The following AGBL1 variants were observed in gnomAD, a reference collection of about 807,000 sequenced individuals.
AGBL1 encodes cytosolic carboxypeptidase 4.
A neutral mutation model predicts 118.9 loss-of-function variants in AGBL1; 130 were observed. That is an observed-to-expected ratio of 1.09 (90% CI 0.95 to 1.26). The LOEUF (loss-of-function observed/expected upper bound fraction) is 1.26. Among genes scored for constraint, AGBL1 ranks in the 50% most tolerant of loss-of-function variants. The pLI is 0.00. For missense variants in AGBL1, 1,584 were observed against 1,298.1 expected (o/e 1.22, Z -3.38); for synonymous variants, 555 against 478.9 (o/e 1.16, Z -2.08).
At chr15:86,223,311 T>A (rs1476696622) in intron 5 of AGBL1, among the ~76,000 whole-genome samples, 1 of 152,192 alleles carries the variant, frequency 6.6e-6, no homozygotes, top group African/African-American at 2.4e-5. Flanking sequence ...GGCGCCTTGC[T>A]TGGGACATCC....
chr15:86,140,070 C>G (rs568626783), intron 1 of AGBL1: 1 of 190,486 alleles, frequency 5.2e-6, no homozygotes, highest in African/African-American at 2.3e-5. Flanking sequence ...GTGGTCAGGT[C>G]TTGGTATTCC....
At chr15:86,374,629 A>T (rs2081013735) in intron 17 of AGBL1, among the ~76,000 whole-genome samples, 1 of 152,214 alleles carries the variant, frequency 6.6e-6, no homozygotes, top group South Asian at 2.1e-4. Context: ...ATCATCAGTC[A>T]AACACTTGCC....
At chr15:86,916,929 C>T (rs777486180), downstream of AGBL1, among the ~76,000 whole-genome samples, 4 of 152,096 alleles carry the variant, frequency 2.6e-5, no homozygotes, top group Non-Finnish European at 5.9e-5. Context: ...TGCCAATGCC[C>T]AGCAGAATAA....
chr15:86,578,832 G>T (rs1165583663), intron 21 of AGBL1, among the ~76,000 whole-genome samples: 1 of 152,190 alleles, frequency 6.6e-6, no homozygotes, highest in African/African-American at 2.4e-5. Flanking sequence ...CAGCCATGTG[G>T]AACTGTAAGT....
intron 22 of AGBL1, among the ~76,000 whole-genome samples, chr15:86,901,348 C>A (rs925404280): frequency 6.6e-6 from 1 of 151,876 alleles, no homozygotes; most frequent in Non-Finnish European, 1.5e-5. Flanking sequence ...TTAATATTTT[C>A]AAGCCATTTA....
At chr15:86,119,191 A>G (rs1444303) in intron 1 of AGBL1, among the ~76,000 whole-genome samples, 9,909 of 152,328 alleles carry the variant, frequency 0.065, 492 homozygotes, top group South Asian at 0.16. Context: ...TAAAGCTAAT[A>G]TAATTCAATT....
At chr15:86,670,433 G>A (rs976318687) in intron 21 of AGBL1, among the ~76,000 whole-genome samples, 10 of 151,802 alleles carry the variant, frequency 6.6e-5, no homozygotes, top group Admixed American at 5.9e-4. Flanking sequence ...GTGAAACCCT[G>A]TCTCTACTCA....
At chr15:86,311,414 A>G (rs116549715) in intron 17 of AGBL1, among the ~76,000 whole-genome samples, 297 of 152,288 alleles carry the variant, frequency 2.0e-3, no homozygotes, top group African/African-American at 6.6e-3. Context: ...GTCTGTTTGT[A>G]ATTTGAAATA....
intron 19 of AGBL1, among the ~76,000 whole-genome samples, chr15:86,535,567 G>C (rs2083414120): frequency 6.6e-6 from 1 of 152,208 alleles, no homozygotes; most frequent in South Asian, 2.1e-4. Flanking sequence ...AGGGATTTCA[G>C]TCCTCTTTGA....
chr15:86,596,092 A>G (rs1052952005), intron 21 of AGBL1, among the ~76,000 whole-genome samples: 1 of 152,008 alleles, frequency 6.6e-6, no homozygotes, highest in Admixed American at 6.6e-5. Flanking sequence ...TGAGCCTAGG[A>G]GTTTGAGACC....
At chr15:86,800,003 TC>T (rs977828064) in intron 22 of AGBL1, among the ~76,000 whole-genome samples, 1 of 152,126 alleles carries the variant, frequency 6.6e-6, no homozygotes, top group African/African-American at 2.4e-5. Context: ...AAATAGCAAG[TC>T]CCTTTTGAGA....
At chr15:86,748,382 C>T (rs2077789986) in intron 22 of AGBL1, among the ~76,000 whole-genome samples, 1 of 151,826 alleles carries the variant, frequency 6.6e-6, no homozygotes, top group South Asian at 2.1e-4. Context: ...GATATATTAG[C>T]CCTTTGTCAG....
chr15:86,452,720 G>A (rs943308589), intron 18 of AGBL1, among the ~76,000 whole-genome samples: 2 of 152,116 alleles, frequency 1.3e-5, no homozygotes, highest in African/African-American at 4.8e-5. Context: ...TATTCCCTAA[G>A]ACGTGATCCT....
intron 20 of AGBL1, among the ~76,000 whole-genome samples, chr15:86,553,932 C>T (rs1025205956): frequency 1.3e-5 from 2 of 152,066 alleles, no homozygotes; most frequent in African/African-American, 4.8e-5. Context: ...GCAATCTCAG[C>T]ACACTGCAAC....
At chr15:86,315,177 C>T (rs531701643) in intron 17 of AGBL1, among the ~76,000 whole-genome samples, 8 of 152,222 alleles carry the variant, frequency 5.3e-5, no homozygotes, top group East Asian at 1.9e-4. Flanking sequence ...CAGGGTAACC[C>T]GAAAGCCTTT....
At chr15:86,405,035 A>G (rs930358125) in intron 18 of AGBL1, among the ~76,000 whole-genome samples, 3 of 152,154 alleles carry the variant, frequency 2.0e-5, no homozygotes, top group Non-Finnish European at 4.4e-5. Flanking sequence ...TCATAGAGGA[A>G]TGATGGCCTC....
intron 22 of AGBL1, among the ~76,000 whole-genome samples, chr15:86,806,836 CTA>C (rs969706778): frequency 2.7e-5 from 4 of 148,850 alleles, no homozygotes; most frequent in African/African-American, 4.9e-5. Context: ...TAATTAATAA[CTA>C]TTTTATCTTT....
intron 20 of AGBL1, among the ~76,000 whole-genome samples, chr15:86,549,555 A>G (rs1237599241): frequency 2.0e-5 from 3 of 148,086 alleles, no homozygotes; most frequent in Non-Finnish European, 4.4e-5. Context: ...CAGAGATGCT[A>G]AAAAAAAAGT....
chr15:86,687,851 G>A (rs1023243814), intron 22 of AGBL1, among the ~76,000 whole-genome samples: 1 of 152,116 alleles, frequency 6.6e-6, no homozygotes, highest in Admixed American at 6.6e-5. Flanking sequence ...AATATTGAGA[G>A]TGTGAGAGAC....
Sources: gnomAD v4.1 joint callset for allele counts (sites outside exome capture counted in the v4.1 genomes callset) on GRCh38, gnomAD v4.1.1 for gene constraint, MANE v1.5 for transcripts, NCBI Gene and HGNC (gene_info 2026-07-23, HGNC 2026-07-21) for gene names.